CASD1: variants seen among roughly 807,000 people sequenced by gnomAD.
The protein encoded by CASD1 is N-acetylneuraminate (7)9-O-acetyltransferase.
A neutral mutation model predicts 100.0 loss-of-function variants in CASD1; 41 were observed. The observed-to-expected ratio is 0.41, with a 90% CI of 0.32 to 0.53. CASD1 has a LOEUF of 0.53. Among genes scored for constraint, CASD1 ranks in the 20% least tolerant of loss-of-function variants. The pLI is 0.25. For missense variants in CASD1, 774 were observed against 948.7 expected, an observed-to-expected ratio of 0.82 and a Z score of 2.42; for synonymous variants, 321 against 315.6, an observed-to-expected ratio of 1.02 and a Z score of -0.18.
intron 11 of CASD1, among the ~76,000 whole-genome samples, chr7:94,544,739 A>G (rs1795593898): frequency 6.6e-6 from 1 of 152,174 alleles, no homozygotes; most frequent in African/African-American, 2.4e-5. Flanking sequence ...TTAATATATA[A>G]TAAAAGCACT....
chr7:94,565,540 T>A, the CASD1 span, among the ~76,000 whole-genome samples: 1 of 152,204 alleles, frequency 6.6e-6, no homozygotes, highest in African/African-American at 2.4e-5. Context: ...TAACTGTCCC[T>A]GTAGGTGCTG....
In CASD1 at chr7:94,544,405, C is replaced by G. The variant is rs762965876; in HGVS notation, c.1357-6C>G. On this transcript the variant is annotated splice_region_variant and splice_polypyrimidine_tract_variant and intron_variant, in intron 10 of 17. Coordinates refer to ENST00000297273, the MANE Select transcript of CASD1 (RefSeq NM_022900.5). ...ATATGTTTTACCTGTTTATCTTTGT[C>G]AACAGTTTTTGCCTGTATACATGCA... 1.2e-6 allele frequency: 2 copies of G among 1,612,482 alleles called. No homozygotes were observed. The highest frequency in any genetic ancestry group is 1.7e-6 in the Non-Finnish European group (2 of 1,179,166).
chr7:94,628,055 T>C, the CASD1 span: 3 of 621,108 alleles, frequency 4.8e-6, no homozygotes, highest in African/African-American at 1.8e-5. Context: ...TTCCAAATGT[T>C]ATCTACTGTG....
At chr7:94,533,290 A>G (rs772783074) in intron 6 of CASD1, 41 bp downstream of exon 6, 2 of 1,526,076 alleles carry the variant, frequency 1.3e-6, no homozygotes, top group Non-Finnish European at 1.8e-6. Context: ...ATTTTGTTTC[A>G]CGTTTAAGAA....
chr7:94,615,110 C>T, the CASD1 span, among the ~76,000 whole-genome samples: 1 of 152,144 alleles, frequency 6.6e-6, no homozygotes, highest in Non-Finnish European at 1.5e-5. Flanking sequence ...CCTGTAAGCC[C>T]AGCACTCTGG....
intron 12 of CASD1, among the ~76,000 whole-genome samples, chr7:94,546,550 C>G (rs1206400179): frequency 6.6e-6 from 1 of 151,842 alleles, no homozygotes; most frequent in Non-Finnish European, 1.5e-5. Context: ...TTTGGACAGC[C>G]TCTGTAGTTT....
At position 94,518,293 on chromosome 7, in the gene CASD1, T is replaced by G. The variant is rs747117154; in HGVS notation, c.321T>G (p.Ile107Met). Residue 107 changes from isoleucine to methionine, a missense_variant, in exon 3 of 18, where the codon ATT becomes ATG. Physicochemically the swap from Ile to Met is conservative, Grantham distance 10. Transcript: ENST00000297273. ...RQLFYSFVKI[I>M]NPQFKEEGNK... ...TGTTTTATTCTTTTGTAAAAATAAT[T>G]AATCCCCAATTCAAAGAAGAAGGAA... 18 of 1,576,070 alleles carry G rather than the reference T, an allele frequency of 1.1e-5. No individual in the cohort carries two copies. The highest frequency in any genetic ancestry group is 2.4e-5 in the South Asian group (2 of 84,656).
the CASD1 span, among the ~76,000 whole-genome samples, chr7:94,574,683 T>A: frequency 6.6e-6 from 1 of 150,890 alleles, no homozygotes; most frequent in East Asian, 1.9e-4. Context: ...AAAAAAAAAA[T>A]TCCTGAGCCG....
In CASD1 at chr7:94,533,211, A is replaced by G. The variant is rs757504479; in HGVS notation, c.466A>G (p.Ile156Val). The change falls in exon 6 of 18, where the codon ATT becomes GTT. Residue 156 changes from isoleucine to valine, a missense_variant. By Grantham distance (29) the Ile-to-Val change is conservative. Around this residue, in one of 5 missense-constraint regions of CASD1, gnomAD observed 453 missense variants for 532.6 expected, o/e 0.85. Transcript: ENST00000297273. ...AAGATTTGTCTTCCTTTAGGATTCC[A>G]TTGCAAAGCCACATGTGATTGTAGC... ...QCIKVWTEDSIAKPHVIVAGA... is the reference protein window; with the variant it reads ...QCIKVWTEDSVAKPHVIVAGA... The G allele has an allele frequency of 3.1e-6, 5 of 1,607,922 alleles. No individual in the cohort carries two copies. Among genetic ancestry groups the G allele is most frequent in the Admixed American group, 1.7e-5 (1 of 59,826 alleles).
chr7:94,595,215 T>C, the CASD1 span, among the ~76,000 whole-genome samples: 42 of 152,296 alleles, frequency 2.8e-4, no homozygotes, highest in South Asian at 8.3e-3. Context: ...AATATTACTA[T>C]GTAATTGATA....
the CASD1 span, chr7:94,600,544 A>G: frequency 1.7e-5 from 14 of 800,912 alleles, no homozygotes; most frequent in East Asian, 1.3e-4. Context: ...ATTCATTTAC[A>G]AAGTGTTTTA....
the CASD1 span, among the ~76,000 whole-genome samples, chr7:94,570,822 A>G: frequency 1.3e-5 from 2 of 152,146 alleles, no homozygotes; most frequent in African/African-American, 4.8e-5. Context: ...CATGTAGAAA[A>G]TTAAAAGTGG....
the CASD1 span, chr7:94,629,914 C>T: frequency 1.9e-6 from 3 of 1,574,934 alleles, no homozygotes; most frequent in African/African-American, 2.7e-5. Context: ...TCAGCTTACG[C>T]TGTTTATAAA....
At chr7:94,522,025 A>G (rs1228995764) in intron 3 of CASD1, among the ~76,000 whole-genome samples, 1 of 152,190 alleles carries the variant, frequency 6.6e-6, no homozygotes, top group Non-Finnish European at 1.5e-5. Flanking sequence ...CGGAGCTTGC[A>G]GTGAGCCGAA....
At chr7:94,632,968 T>G in the CASD1 span, among the ~76,000 whole-genome samples, 4 of 152,098 alleles carry the variant, frequency 2.6e-5, no homozygotes, top group Admixed American at 1.3e-4. Context: ...ACCATAAGCT[T>G]AAAGCATGTT....
intron 3 of CASD1, among the ~76,000 whole-genome samples, chr7:94,519,152 TA>T (rs1337887911): frequency 2.0e-5 from 3 of 152,196 alleles, no homozygotes; most frequent in Admixed American, 6.5e-5. Flanking sequence ...ATTTCTCGTT[TA>T]AAAATATAAC....
At chr7:94,572,517 G>A in the CASD1 span, among the ~76,000 whole-genome samples, 3 of 152,138 alleles carry the variant, frequency 2.0e-5, no homozygotes, top group African/African-American at 7.2e-5. Flanking sequence ...TTGGCCACAT[G>A]TATGTGTTCT....
the CASD1 span, among the ~76,000 whole-genome samples, chr7:94,562,485 TCTC>T: frequency 6.6e-6 from 1 of 152,156 alleles, no homozygotes. Context: ...AAGTCATTTA[TCTC>T]CTCATTAGGG....
At chr7:94,601,443 C>CAAAAAAAAAAAAAAAAAAAAAAA in the CASD1 span, among the ~76,000 whole-genome samples, 2 of 89,354 alleles carry the variant, frequency 2.2e-5, no homozygotes, top group African/African-American at 5.8e-5. Context: ...ATCCCAGTAT[C>CAAAAAAAAAAAAAAAAAAAAAAA]AAAAAAAAAA....
Sources: gnomAD v4.1 joint callset for allele counts (sites outside exome capture counted in the v4.1 genomes callset) on GRCh38, gnomAD v4.1.1 for gene constraint, gnomAD v4.1.1 regional missense constraint, MANE v1.5 for transcripts, NCBI Gene and HGNC (gene_info 2026-07-23, HGNC 2026-07-21) for gene names.